GATA4: variants seen among roughly 807,000 people sequenced by gnomAD.
The protein encoded by GATA4 is GATA binding protein 4.
Under a neutral mutation model 37.9 loss-of-function variants are expected in GATA4, and 7 were observed. The ratio of observed to expected loss-of-function variants is 0.18; its 90% CI spans 0.11 to 0.35. GATA4 has a LOEUF of 0.35. Among genes scored for constraint, GATA4 ranks in the 10% least tolerant of loss-of-function variants. The probability of loss-of-function intolerance (pLI) is 1.00; values close to 1 mark genes in which losing one functional copy is unlikely to be tolerated. For synonymous variants in GATA4, 372 were observed against 292.6 expected, an observed-to-expected ratio of 1.27 and a Z score of -2.77; for missense variants, 647 against 653.0, an observed-to-expected ratio of 0.99 and a Z score of 0.10.
chr8:11,748,630 A>T (rs1802143096), intron 2 of GATA4, among the ~76,000 whole-genome samples: 1 of 152,164 alleles, frequency 6.6e-6, no homozygotes. Context: ...GGAGGCTCTG[A>T]ATGTGATACC....
intron 2 of GATA4, among the ~76,000 whole-genome samples, chr8:11,711,143 C>T (rs1800165713): frequency 6.6e-6 from 1 of 152,202 alleles, no homozygotes; most frequent in East Asian, 1.9e-4. Flanking sequence ...TGTGAATGCA[C>T]ACAGTATTCA....
intron 2 of GATA4, among the ~76,000 whole-genome samples, chr8:11,735,388 CAG>C (rs778527698): frequency 2.4e-4 from 36 of 152,164 alleles, no homozygotes; most frequent in Non-Finnish European, 4.4e-4. Flanking sequence ...GGGGAATAAA[CAG>C]AATTGTTACA....
At chr8:11,748,820 T>C in intron 2 of GATA4, 96 bp from the exon 3 acceptor site, 1 of 1,418,668 alleles carries the variant, frequency 7.0e-7, no homozygotes, top group Non-Finnish European at 1.0e-6. Context: ...GGAAAGGGCA[T>C]TGTTTCTGTG....
intron 1 of GATA4, among the ~76,000 whole-genome samples, chr8:11,706,275 T>G (rs1039645089): frequency 2.1e-4 from 32 of 152,224 alleles, no homozygotes; most frequent in Non-Finnish European, 4.0e-4. Flanking sequence ...AAAAGCATTA[T>G]GTAGTGTGTA....
chr8:11,697,486 C>G (rs934141312), intron 1 of GATA4: 2 of 913,348 alleles, frequency 2.2e-6, no homozygotes, highest in Non-Finnish European at 2.6e-6. Context: ...CGGAGGGGAG[C>G]AGCGCTCTCG....
chr8:11,703,572 A>G (rs1285340884), upstream of GATA4, among the ~76,000 whole-genome samples: 1 of 152,262 alleles, frequency 6.6e-6, no homozygotes, highest in African/African-American at 2.4e-5. Context: ...GTCGCCAGGA[A>G]GGGATGCAGA....
intron 6 of GATA4, 127 bp downstream of exon 6, chr8:11,757,210 T>A: frequency 7.2e-7 from 1 of 1,394,762 alleles, no homozygotes; most frequent in Non-Finnish European, 9.7e-7. Context: ...AGCTACCCTC[T>A]GCGCTAGGAA....
intron 4 of GATA4, among the ~76,000 whole-genome samples, chr8:11,751,489 C>T (rs1166424821): frequency 6.6e-6 from 1 of 152,184 alleles, no homozygotes; most frequent in East Asian, 1.9e-4. Context: ...TGGAAGGACA[C>T]TCTTTTTGCT....
chr8:11,728,603 C>T (rs1039163289), intron 2 of GATA4, among the ~76,000 whole-genome samples: 2 of 151,882 alleles, frequency 1.3e-5, no homozygotes, highest in African/African-American at 4.8e-5. Flanking sequence ...GGCTGGAGTA[C>T]AGTGGCATGG....
Position 11,750,233 on chromosome 8 carries a change from C to T in GATA4, c.909C>T (p.His303=), listed in dbSNP as rs201516339. The change falls in exon 4 of 7, where the codon CAC becomes CAT. Residue 303 remains histidine, a synonymous_variant. Transcript: ENST00000532059. ...CNACGLYMKL[H]GVPRPLAMRK... ...CCTGCGGCCTCTACATGAAGCTCCA[C>T]GGGGTACGTGGGTCCTGCGCCCATG... 6.1e-5 allele frequency: 99 copies of T among 1,612,732 alleles called. No individual in the cohort carries two copies. The Middle Eastern group carries it at 8.2e-4, about 13-fold the overall frequency.
intron 6 of GATA4, among the ~76,000 whole-genome samples, chr8:11,757,447 A>G (rs535173835): frequency 2.6e-5 from 4 of 152,270 alleles, no homozygotes; most frequent in Admixed American, 1.3e-4. Context: ...CAGAAGTACA[A>G]CCTGAATGAG....
chr8:11,751,779 A>C (rs989085911), intron 4 of GATA4, among the ~76,000 whole-genome samples: 1 of 152,220 alleles, frequency 6.6e-6, no homozygotes, highest in African/African-American at 2.4e-5. Flanking sequence ...TAGTTTGCCC[A>C]TATACTTGGC....
chr8:11,677,553 C>T (rs1798823137), intron 1 of GATA4, among the ~76,000 whole-genome samples: 1 of 152,208 alleles, frequency 6.6e-6, no homozygotes, highest in Non-Finnish European at 1.5e-5. Flanking sequence ...CCCCGCAGCC[C>T]TTGGTGTCCT....
chr8:11,695,770 C>T (rs534627359), intron 1 of GATA4, among the ~76,000 whole-genome samples: 1 of 152,276 alleles, frequency 6.6e-6, no homozygotes, highest in Admixed American at 6.5e-5. Flanking sequence ...TCTGACGTCA[C>T]CCTTCCTGCA....
At chr8:11,739,400 T>G (rs905323245) in intron 2 of GATA4, among the ~76,000 whole-genome samples, 2 of 152,248 alleles carry the variant, frequency 1.3e-5, no homozygotes, top group African/African-American at 4.8e-5. Context: ...AAAAAGTTTA[T>G]TCCAGTGAAT....
At chr8:11,754,974 T>G in intron 4 of GATA4, 72 bp from the exon 5 acceptor site, 3 of 1,195,500 alleles carry the variant, frequency 2.5e-6, no homozygotes, top group Non-Finnish European at 3.7e-6. Context: ...TCGCAGCAGG[T>G]GTGTGTCTTT....
chr8:11,722,235 C>T (rs1256873968), intron 2 of GATA4, among the ~76,000 whole-genome samples: 2 of 152,190 alleles, frequency 1.3e-5, no homozygotes, highest in East Asian at 1.9e-4. Context: ...AATATCATTT[C>T]ATGACCAGCT....
At chr8:11,685,309 C>A (rs1301386802) in intron 1 of GATA4, among the ~76,000 whole-genome samples, 1 of 152,226 alleles carries the variant, frequency 6.6e-6, no homozygotes, top group East Asian at 1.9e-4. Context: ...GTTTCCAATT[C>A]TTTCTGCCTA....
chr8:11,698,807 C>T (rs2130013097), intron 1 of GATA4, among the ~76,000 whole-genome samples: 1 of 152,130 alleles, frequency 6.6e-6, no homozygotes. Context: ...CTGGGGACCC[C>T]GGGGTGTCCT....
Sources: gnomAD v4.1 joint callset for allele counts (sites outside exome capture counted in the v4.1 genomes callset) on GRCh38, gnomAD v4.1.1 for gene constraint, MANE v1.5 for transcripts, NCBI Gene and HGNC (gene_info 2026-07-23, HGNC 2026-07-21) for gene names.